The following TGFA variants were observed in gnomAD, a reference collection of about 807,000 sequenced individuals.
TGFA encodes protransforming growth factor alpha.
TGFA carries 12 observed loss-of-function variants against 21.7 expected under a neutral mutation model. The observed-to-expected ratio is 0.55, with a 90% confidence interval of 0.35 to 0.90. The LOEUF (loss-of-function observed/expected upper bound fraction) is 0.90, where lower values mean the gene tolerates loss of function less well. TGFA is among the 40% of genes least tolerant of loss of function. The pLI is 0.01. For synonymous variants in TGFA, 79 were observed against 88.1 expected, an observed-to-expected ratio of 0.90 and a Z score of 0.58; for missense variants, 178 against 210.8, an observed-to-expected ratio of 0.84 and a Z score of 0.96.
intron 4 of TGFA, among the ~76,000 whole-genome samples, chr2:70,453,989 T>G (rs1670141624): frequency 6.8e-6 from 1 of 147,592 alleles, no homozygotes; most frequent in Non-Finnish European, 1.5e-5. Flanking sequence ...GAATGGAGAG[T>G]TTTCAGACTT....
At chr2:70,499,260 CAT>C (rs1163914381) in intron 2 of TGFA, among the ~76,000 whole-genome samples, 5 of 152,164 alleles carry the variant, frequency 3.3e-5, no homozygotes, top group African/African-American at 1.2e-4. Flanking sequence ...TAGGTATGGC[CAT>C]ATGAGTTGTT....
chr2:70,521,763 C>T (rs7572791), intron 1 of TGFA, among the ~76,000 whole-genome samples: 6 of 151,912 alleles, frequency 3.9e-5, no homozygotes, highest in South Asian at 2.1e-4. Context: ...CACAGGCACG[C>T]GCCACCATGC....
At chr2:70,464,242 C>T (rs1196497639) in intron 3 of TGFA, among the ~76,000 whole-genome samples, 1 of 152,180 alleles carries the variant, frequency 6.6e-6, no homozygotes, top group African/African-American at 2.4e-5. Context: ...GAGTCCAGGC[C>T]CTGCTATGCG....
intron 1 of TGFA, among the ~76,000 whole-genome samples, chr2:70,541,912 A>C (rs1673142759): frequency 6.6e-6 from 1 of 152,116 alleles, no homozygotes; most frequent in Admixed American, 6.6e-5. Context: ...CATTGTTGAA[A>C]TTTGCTGGCA....
chr2:70,452,785 T>C (rs1262420587), intron 5 of TGFA, among the ~76,000 whole-genome samples: 1 of 151,842 alleles, frequency 6.6e-6, no homozygotes, highest in African/African-American at 2.4e-5. Flanking sequence ...CTACTAAAAA[T>C]ACAAAAATTT....
Position 70,448,920 on chromosome 2 carries a change from C to G in TGFA, c.*1939G>C, listed in dbSNP as rs1161865081. 1.3e-5 allele frequency: 2 copies of G among 152,230 alleles called. No homozygotes were observed. The highest frequency in any genetic ancestry group is 2.9e-5 in the Non-Finnish European group (2 of 68,050). The allele number at this position is 152,230 out of a possible 1,614,324, so 9.4% of individuals were successfully genotyped here. ...TCATTCCTACGCCTCTGCAAAGTCT[C>G]TTGGATGCTAACTACTGATTGATAG... On this transcript the variant is annotated 3_prime_UTR_variant, in exon 6 of 6. Transcript: ENST00000295400.
At chr2:70,455,882 AG>A (rs1670212577) in intron 4 of TGFA, among the ~76,000 whole-genome samples, 1 of 152,202 alleles carries the variant, frequency 6.6e-6, no homozygotes. Context: ...ACAAAGAGGA[AG>A]GGCTGTGCAG....
At chr2:70,489,585 A>C (rs375600528) in intron 2 of TGFA, among the ~76,000 whole-genome samples, 1 of 152,224 alleles carries the variant, frequency 6.6e-6, no homozygotes, top group East Asian at 1.9e-4. Flanking sequence ...GGTGCTTACA[A>C]ATAAAATACA....
intron 2 of TGFA, among the ~76,000 whole-genome samples, chr2:70,509,280 G>T (rs559475941): frequency 6.6e-6 from 1 of 152,320 alleles, no homozygotes; most frequent in African/African-American, 2.4e-5. Context: ...AAAAGCTTTT[G>T]TTAGGCGAGA....
intron 1 of TGFA, among the ~76,000 whole-genome samples, chr2:70,543,906 C>T (rs1553505529): frequency 1.3e-5 from 2 of 152,122 alleles, no homozygotes; most frequent in African/African-American, 4.8e-5. Flanking sequence ...CATAATGGAG[C>T]AGATCTAGCA....
chr2:70,508,639 A>G (rs113369850), intron 2 of TGFA, among the ~76,000 whole-genome samples: 267 of 152,372 alleles, frequency 1.8e-3, no homozygotes, highest in African/African-American at 6.1e-3. Context: ...GAATCTATTA[A>G]TAACTAAAAC....
At chr2:70,476,632 A>G (rs1026473673) in intron 2 of TGFA, among the ~76,000 whole-genome samples, 9 of 152,194 alleles carry the variant, frequency 5.9e-5, no homozygotes, top group Non-Finnish European at 1.0e-4. Context: ...TATAAGCGCT[A>G]TTGGGATGAT....
intron 1 of TGFA, among the ~76,000 whole-genome samples, chr2:70,520,388 A>G (rs1358766962): frequency 7.0e-6 from 1 of 142,378 alleles, no homozygotes; most frequent in Non-Finnish European, 1.5e-5. Flanking sequence ...GGTGGTGGGC[A>G]TCTGTAATAC....
At chr2:70,512,788 A>T (rs1553501098) in intron 2 of TGFA, among the ~76,000 whole-genome samples, 1 of 152,074 alleles carries the variant, frequency 6.6e-6, no homozygotes, top group Non-Finnish European at 1.5e-5. Flanking sequence ...ATGGATGGAG[A>T]CTTGGAGGAG....
At chr2:70,528,978 T>C (rs1553503297) in intron 1 of TGFA, among the ~76,000 whole-genome samples, 1 of 152,196 alleles carries the variant, frequency 6.6e-6, no homozygotes, top group African/African-American at 2.4e-5. Context: ...GGGGGGCTTT[T>C]AATTGTCCAG....
intron 4 of TGFA, among the ~76,000 whole-genome samples, chr2:70,454,914 G>A (rs1047162463): frequency 3.9e-5 from 6 of 152,194 alleles, no homozygotes; most frequent in Admixed American, 1.3e-4. Context: ...CACCAGTCTT[G>A]TTCCTAAGTC....
intron 2 of TGFA, among the ~76,000 whole-genome samples, chr2:70,502,124 G>C (rs900522424): frequency 2.0e-5 from 3 of 152,144 alleles, no homozygotes; most frequent in Admixed American, 2.0e-4. Context: ...CCAATTTATC[G>C]ATGTTCCTCC....
chr2:70,451,262 A>C (rs1392346531), intron 5 of TGFA, among the ~76,000 whole-genome samples: 1 of 152,192 alleles, frequency 6.6e-6, no homozygotes, highest in Non-Finnish European at 1.5e-5. Context: ...GAGGCCATAC[A>C]AGAATGGACC....
chr2:70,537,002 T>TTC (rs1251924996), intron 1 of TGFA, among the ~76,000 whole-genome samples: 4 of 151,722 alleles, frequency 2.6e-5, no homozygotes, highest in East Asian at 3.9e-4. Flanking sequence ...CTTTTTCTTT[T>TTC]TTTTTTTTTT....
Sources: allele counts gnomAD v4.1 joint callset (sites outside exome capture counted in the v4.1 genomes callset), GRCh38; gene constraint gnomAD v4.1.1; transcripts MANE v1.5; gene names NCBI Gene and HGNC (gene_info 2026-07-23, HGNC 2026-07-21).